The following CCR5AS variants were observed in gnomAD, a reference collection of about 807,000 sequenced individuals.
CCR5AS encodes CCR5 antisense RNA.
chr3:46,367,079 G>C (rs761773528), intron 3 of CCR5AS, among the ~76,000 whole-genome samples: 5 of 152,156 alleles, frequency 3.3e-5, no homozygotes, highest in Admixed American at 1.3e-4. Flanking sequence ...AGACAGGAAA[G>C]AGGACAGTAT....
intron 2 of CCR5AS, among the ~76,000 whole-genome samples, chr3:46,389,910 G>A (rs577940144): frequency 6.6e-6 from 1 of 152,248 alleles, no homozygotes; most frequent in East Asian, 1.9e-4. Flanking sequence ...ATTATACCAA[G>A]ATAGGTAATG....
At chr3:46,405,426 C>A (rs913861307) in intron 1 of CCR5AS, among the ~76,000 whole-genome samples, 1 of 152,124 alleles carries the variant, frequency 6.6e-6, no homozygotes, top group African/African-American at 2.4e-5. Context: ...GTACTCCCAG[C>A]GTTTTGCAAG....
intron 3 of CCR5AS, among the ~76,000 whole-genome samples, chr3:46,369,467 G>T (rs1388274483): frequency 6.6e-6 from 1 of 152,042 alleles, no homozygotes; most frequent in East Asian, 1.9e-4. Flanking sequence ...TGATCGCTGG[G>T]CTATTTCTAT....
At chr3:46,371,389 T>C (rs1701658165) in exon 3 of CCR5AS, 1 of 152,230 alleles carries the variant, frequency 6.6e-6, no homozygotes, top group South Asian at 2.1e-4. Context: ...GGTTCTCTTT[T>C]TTCTTTTTCC....
intron 1 of CCR5AS, among the ~76,000 whole-genome samples, chr3:46,403,629 C>G (rs895325815): frequency 1.3e-5 from 2 of 152,194 alleles, no homozygotes; most frequent in African/African-American, 4.8e-5. Flanking sequence ...GTGGCTGCAA[C>G]CCAATGGATG....
intron 1 of CCR5AS, among the ~76,000 whole-genome samples, chr3:46,393,762 T>A (rs1354007976): frequency 6.6e-6 from 1 of 152,234 alleles, no homozygotes; most frequent in African/African-American, 2.4e-5. Context: ...ATAGGAGGGC[T>A]TCCAGGCCCC....
chr3:46,397,136 T>C lies in CCR5AS; in HGVS notation n.164-4084A>G, dbSNP rs570075027. On this transcript the variant is annotated intron_variant and non_coding_transcript_variant, in intron 1 of 3. Transcript: ENST00000451485. ...ATGCGCCCTTGACTGAGGTAACACC[T>C]ACCCTGGGAATCCTTCCCCTGCCTC... is the stretch of plus-strand genomic sequence containing the variant. Among the ~76,000 whole-genome samples, 7 of 152,274 alleles carry C rather than the reference T, an allele frequency of 4.6e-5. No homozygotes were observed. The East Asian group carries it at 1.2e-3, about 25-fold the overall frequency.
chr3:46,385,686 C>G (rs754307081), intron 2 of CCR5AS, among the ~76,000 whole-genome samples: 1 of 152,020 alleles, frequency 6.6e-6, no homozygotes, highest in Non-Finnish European at 1.5e-5. Context: ...GGGCGCAACT[C>G]TCTCTCTCTT....
At chr3:46,369,544 T>G (rs1182675438) in intron 3 of CCR5AS, among the ~76,000 whole-genome samples, 2 of 152,140 alleles carry the variant, frequency 1.3e-5, no homozygotes, top group Non-Finnish European at 2.9e-5. Flanking sequence ...TAGCTTTACC[T>G]TTTCAGCTTC....
intron 1 of CCR5AS, among the ~76,000 whole-genome samples, chr3:46,400,947 G>A (rs1403866801): frequency 6.6e-6 from 1 of 152,224 alleles, no homozygotes; most frequent in African/African-American, 2.4e-5. Flanking sequence ...ACAGATGTGA[G>A]AGGGAAGGAG....
chr3:46,373,239 T>C (rs766967187), intron 2 of CCR5AS: 8 of 1,614,118 alleles, frequency 5.0e-6, no homozygotes, highest in Non-Finnish European at 5.9e-6. Flanking sequence ...TATAGGCTTC[T>C]TCTCTGGAAT....
intron 1 of CCR5AS, among the ~76,000 whole-genome samples, chr3:46,401,790 T>A (rs1181587442): frequency 6.7e-6 from 1 of 149,080 alleles, no homozygotes; most frequent in African/African-American, 2.4e-5. Flanking sequence ...ATTAATTTAA[T>A]TAATAATATA....
At chr3:46,393,217 T>C (rs1004358744) in intron 1 of CCR5AS, among the ~76,000 whole-genome samples, 46 of 152,056 alleles carry the variant, frequency 3.0e-4, no homozygotes, top group African/African-American at 9.4e-4. Context: ...AGAAGGAATG[T>C]CACAAGGTCA....
chr3:46,402,264 A>G (rs1277670867), intron 1 of CCR5AS, among the ~76,000 whole-genome samples: 3 of 152,214 alleles, frequency 2.0e-5, no homozygotes, highest in Admixed American at 6.5e-5. Context: ...CCTCCCAGGT[A>G]TCACAGCTAC....
intron 2 of CCR5AS, chr3:46,373,549 G>C (rs371598347): frequency 6.2e-7 from 1 of 1,613,782 alleles, no homozygotes; most frequent in East Asian, 2.2e-5. Context: ...TGCTACTCGG[G>C]AATCCTAAAA....
chr3:46,374,014 T>G, intron 2 of CCR5AS: 1 of 1,349,276 alleles, frequency 7.4e-7, no homozygotes, highest in Non-Finnish European at 1.0e-6. Context: ...ATGGCTTAGT[T>G]TTCATACACA....
At chr3:46,405,834 TTCTC>T (rs1387304308) in intron 1 of CCR5AS, among the ~76,000 whole-genome samples, 1 of 152,028 alleles carries the variant, frequency 6.6e-6, no homozygotes, top group Non-Finnish European at 1.5e-5. Context: ...CTCTTAATAG[TTCTC>T]TCTCCTCCCT....
rs758721654 is a variant in CCR5AS at position 46,390,845 on chromosome 3, G to A, written n.391+1980C>T. Among the ~76,000 whole-genome samples, 11 of 152,242 alleles carry A rather than the reference G, an allele frequency of 7.2e-5. No individual in the cohort carries two copies. The East Asian group carries it at 7.7e-4, about 11-fold the overall frequency. Reference sequence around the variant, plus strand: ...GAGTTTTAAGCGGTTTAGAAGCCTCGCCGACAATACCCACAACAGTTATGG... The same window carrying A: ...GAGTTTTAAGCGGTTTAGAAGCCTCACCGACAATACCCACAACAGTTATGG... On this transcript the variant is annotated intron_variant and non_coding_transcript_variant, in intron 2 of 3. Transcript: ENST00000451485.
At chr3:46,385,864 C>G (rs1420374384) in intron 2 of CCR5AS, among the ~76,000 whole-genome samples, 3 of 152,086 alleles carry the variant, frequency 2.0e-5, no homozygotes, top group Non-Finnish European at 2.9e-5. Context: ...CCTCAGCCTC[C>G]TGAGCAGCAG....
Sources: gnomAD v4.1 joint callset for allele counts (sites outside exome capture counted in the v4.1 genomes callset) on GRCh38, gnomAD v4.1.1 for gene constraint, MANE v1.5 for transcripts, NCBI Gene and HGNC (gene_info 2026-07-23, HGNC 2026-07-21) for gene names.